The following TNIK variants were observed in gnomAD, a reference collection of about 807,000 sequenced individuals.
TNIK encodes TRAF2 and NCK-interacting protein kinase.
A neutral mutation model predicts 191.3 loss-of-function variants in TNIK; 49 were observed. The observed-to-expected ratio is 0.26, with a 90% CI of 0.20 to 0.32. The LOEUF (loss-of-function observed/expected upper bound fraction) is 0.32. Ranked by LOEUF, TNIK falls within the 10% of genes least tolerant of loss-of-function variation. The pLI, the probability that TNIK is intolerant of heterozygous loss-of-function variation, is 1.00. For missense variants in TNIK, 1,155 were observed against 1,702.3 expected, an observed-to-expected ratio of 0.68 and a Z score of 5.66; for synonymous variants, 594 against 600.9, an observed-to-expected ratio of 0.99 and a Z score of 0.17.
chr3:171,332,731 A>G (rs1756528434), intron 2 of TNIK, among the ~76,000 whole-genome samples: 1 of 152,236 alleles, frequency 6.6e-6, no homozygotes, highest in East Asian at 1.9e-4. Context: ...AGGAAGGGTG[A>G]CTGAGGATAA....
chr3:171,215,193 GA>G lies in TNIK; in HGVS notation c.181-3953del, dbSNP rs373536153. ...AGAAACCGGGATTGACCTTCTAGAA[GA>G]TGAGAAATCATGGGAAGATAGGCAG... On this transcript the variant is annotated intron_variant, in intron 3 of 32. Coordinates refer to ENST00000436636, the MANE Select transcript of TNIK (RefSeq NM_015028.4). 2.5e-3 allele frequency among the ~76,000 whole-genome samples: 379 copies of G among 152,228 alleles called. 1 individual carries two copies. The highest frequency in any genetic ancestry group is 8.4e-3 in the African/African-American group (348 of 41,548).
intron 30 of TNIK, among the ~76,000 whole-genome samples, chr3:171,067,695 C>T (rs977072524): frequency 3.3e-5 from 5 of 150,160 alleles, no homozygotes; most frequent in African/African-American, 1.2e-4. Flanking sequence ...AAAAAAATCA[C>T]TATTGAAATA....
intron 9 of TNIK, among the ~76,000 whole-genome samples, chr3:171,173,029 C>T (rs576293201): frequency 6.6e-5 from 10 of 152,258 alleles, no homozygotes; most frequent in African/African-American, 2.2e-4. Context: ...GCTGTTCACT[C>T]ACTTTTCTGT....
At chr3:171,443,321 CT>C (rs1727067282) in intron 1 of TNIK, among the ~76,000 whole-genome samples, 3 of 152,168 alleles carry the variant, frequency 2.0e-5, no homozygotes, top group African/African-American at 7.2e-5. Flanking sequence ...TCAAAGGGCC[CT>C]TTCAACCACG....
At chr3:171,412,756 T>C (rs1722569140) in intron 1 of TNIK, among the ~76,000 whole-genome samples, 1 of 152,232 alleles carries the variant, frequency 6.6e-6, no homozygotes, top group Non-Finnish European at 1.5e-5. Context: ...GACTTTAGTT[T>C]CTAAACTTTC....
At chr3:171,151,090 A>T (rs1732376682) in intron 12 of TNIK, among the ~76,000 whole-genome samples, 1 of 152,266 alleles carries the variant, frequency 6.6e-6, no homozygotes. Flanking sequence ...ACTTCTCAGC[A>T]ATCATGAAAA....
chr3:171,085,052 C>T, intron 25 of TNIK, 66 bp downstream of exon 25: 1 of 1,309,310 alleles, frequency 7.6e-7, no homozygotes, highest in African/African-American at 1.5e-5. Context: ...GGATTAATTT[C>T]CTTATCAGGT....
At chr3:171,410,374 C>A (rs1286883679) in intron 1 of TNIK, among the ~76,000 whole-genome samples, 1 of 152,200 alleles carries the variant, frequency 6.6e-6, no homozygotes, top group African/African-American at 2.4e-5. Flanking sequence ...CTCCATACAG[C>A]CTTTCTGGAT....
At chr3:171,378,694 A>C (rs565865528) in intron 1 of TNIK, among the ~76,000 whole-genome samples, 45 of 152,312 alleles carry the variant, frequency 3.0e-4, no homozygotes, top group African/African-American at 1.1e-3. Context: ...CAATGCGGTA[A>C]GGTCTGTGAC....
At chr3:171,087,535 TAG>T (rs903942259) in intron 23 of TNIK, 29 bp from the exon 24 acceptor site, 5 of 1,606,328 alleles carry the variant, frequency 3.1e-6, no homozygotes, top group African/African-American at 2.7e-5. Context: ...TGGGAGGAGT[TAG>T]AGAGGGGGGA....
chr3:171,102,384 T>G (rs1723719909), intron 21 of TNIK, among the ~76,000 whole-genome samples: 1 of 152,172 alleles, frequency 6.6e-6, no homozygotes, highest in Admixed American at 6.5e-5. Context: ...AAGAGATAAT[T>G]TTGAGTTTTC....
intron 2 of TNIK, among the ~76,000 whole-genome samples, chr3:171,301,755 A>G (rs1752911225): frequency 6.6e-6 from 1 of 152,232 alleles, no homozygotes; most frequent in African/African-American, 2.4e-5. Flanking sequence ...GCAGCTATAC[A>G]GTAATCATTT....
intron 2 of TNIK, among the ~76,000 whole-genome samples, chr3:171,324,472 T>C (rs1410988624): frequency 6.6e-6 from 1 of 152,078 alleles, no homozygotes; most frequent in East Asian, 1.9e-4. Context: ...GTTATTTTCA[T>C]ACAAATGGCT....
intron 1 of TNIK, among the ~76,000 whole-genome samples, chr3:171,417,507 G>A (rs774657217): frequency 6.6e-5 from 10 of 151,886 alleles, no homozygotes; most frequent in Non-Finnish European, 8.8e-5. Context: ...ATTGATTCTC[G>A]TATTGTGAAA....
chr3:171,180,945 T>A (rs1182864653), intron 7 of TNIK, among the ~76,000 whole-genome samples: 1 of 152,216 alleles, frequency 6.6e-6, no homozygotes, highest in African/African-American at 2.4e-5. Context: ...TACTCCAGTT[T>A]CATGCTATAA....
intron 7 of TNIK, among the ~76,000 whole-genome samples, chr3:171,184,009 A>G (rs1737054588): frequency 6.6e-6 from 1 of 151,720 alleles, no homozygotes; most frequent in Admixed American, 6.6e-5. Flanking sequence ...ATATATACTA[A>G]GTACTATATA....
chr3:171,212,837 T>G (rs543318090), intron 3 of TNIK, among the ~76,000 whole-genome samples: 1 of 152,168 alleles, frequency 6.6e-6, no homozygotes, highest in Non-Finnish European at 1.5e-5. Context: ...AATAGTGAAG[T>G]GCTGACATTT....
At chr3:171,112,001 C>CATGGTGAGTACAGATCATA (rs1725921494) in intron 18 of TNIK, among the ~76,000 whole-genome samples, 2 of 152,030 alleles carry the variant, frequency 1.3e-5, no homozygotes, top group South Asian at 4.1e-4. Flanking sequence ...TACTGTACAC[C>CATGGTGAGTACAGATCATA]ATGGTGAGTA....
At chr3:171,091,749 A>G (rs900983843) in intron 23 of TNIK, among the ~76,000 whole-genome samples, 3 of 151,538 alleles carry the variant, frequency 2.0e-5, no homozygotes, top group African/African-American at 7.3e-5. Context: ...AATAATAATA[A>G]TAATAATAAA....
Sources: allele counts gnomAD v4.1 joint callset (sites outside exome capture counted in the v4.1 genomes callset), GRCh38; gene constraint gnomAD v4.1.1; transcripts MANE v1.5; gene names NCBI Gene and HGNC (gene_info 2026-07-23, HGNC 2026-07-21).